Variants in CRISPLD2 observed in about 807,000 individuals in gnomAD.
CRISPLD2 encodes cysteine rich secretory protein LCCL domain containing 2.
Under a neutral mutation model 71.1 loss-of-function variants are expected in CRISPLD2, and 47 were observed. That is an observed-to-expected ratio of 0.66 (90% CI 0.52 to 0.84). The LOEUF (loss-of-function observed/expected upper bound fraction) is 0.84, where lower values mean the gene tolerates loss of function less well. Among genes scored for constraint, CRISPLD2 ranks in the 40% least tolerant of loss-of-function variants. The pLI, the probability that CRISPLD2 is intolerant of heterozygous loss-of-function variation, is 0.00. For synonymous variants in CRISPLD2, 317 were observed against 250.1 expected (o/e 1.27, Z -2.52); for missense variants, 830 against 651.1 (o/e 1.27, Z -2.99).
intron 14 of CRISPLD2, among the ~76,000 whole-genome samples, chr16:84,901,731 A>T (rs886108475): frequency 2.7e-5 from 4 of 147,060 alleles, no homozygotes; most frequent in Non-Finnish European, 5.9e-5. Flanking sequence ...ACCTGCCTCA[A>T]CCTCTCAAAA....
intron 6 of CRISPLD2, among the ~76,000 whole-genome samples, chr16:84,855,392 G>C (rs553396694): frequency 6.6e-6 from 1 of 152,326 alleles, no homozygotes; most frequent in South Asian, 2.1e-4. Context: ...TGAGTCTGGA[G>C]GTGGAACAAC....
In CRISPLD2 at chr16:84,827,446, A is replaced by T. The variant is rs574507038; in HGVS notation, c.-75+7313A>T. On this transcript the variant is annotated intron_variant, in intron 1 of 14. Transcript: ENST00000262424. ...CTGGCCCTGGCTGCCTCCTGACCCC[A>T]TTCCTCCCCAGCTTCATGGGCTTTT... 1.5e-4 allele frequency among the ~76,000 whole-genome samples: 23 copies of T among 150,660 alleles called. 1 individual carries two copies. In the South Asian group the frequency reaches 4.8e-3, roughly 32 times the overall value.
chr16:84,869,200 C>G (rs527340875), intron 8 of CRISPLD2, among the ~76,000 whole-genome samples: 1 of 152,304 alleles, frequency 6.6e-6, no homozygotes, highest in South Asian at 2.1e-4. Context: ...ATGAATAAAT[C>G]CATCTAGTTG....
rs1489038236 is a variant in CRISPLD2, at chr16:84,872,473, A to G, written c.946A>G (p.Lys316Glu). The G allele has an allele frequency of 5.0e-6, 8 of 1,613,878 alleles. No individual in the cohort carries two copies. In the South Asian group the frequency reaches 6.6e-5, roughly 13 times the overall value. The change falls in exon 9 of 15, where the codon AAG becomes GAG. Residue 316 changes from lysine (K) to glutamate (E), a missense_variant. Coordinates refer to ENST00000262424, the MANE Select transcript of CRISPLD2 (RefSeq NM_031476.4). ...GTGCCCAGCAGGCTGCCTGAACCAC[A>G]AGGCGAAGATCTTTGGAACTCTGTT... ...YQCPAGCLNH[K>E]AKIFGTLFYE...
rs557373865 is a variant in CRISPLD2 at position 84,854,976 on chromosome 16, C to A, written c.709+147C>A. ...GCTCTCAGCACATTCCTCCCGCCTCCGTGATGAGCTGAGCCTCATCTCCAG... is the reference window on the plus strand; with the variant it reads ...GCTCTCAGCACATTCCTCCCGCCTCAGTGATGAGCTGAGCCTCATCTCCAG... On this transcript the variant is annotated intron_variant, in intron 6 of 14. Transcript: ENST00000262424. 1.8e-5 allele frequency: 12 copies of A among 673,594 alleles called. No individual in the cohort carries two copies. The East Asian group carries it at 3.0e-4, about 17-fold the overall frequency. The allele number at this position is 673,594 out of a possible 1,614,324, so 41.7% of individuals were successfully genotyped here.
intron 13 of CRISPLD2, among the ~76,000 whole-genome samples, chr16:84,884,831 G>C (rs1454696849): frequency 6.6e-6 from 1 of 152,122 alleles, no homozygotes; most frequent in African/African-American, 2.4e-5. Context: ...TCAAAGCACC[G>C]CCTCTGGGGC....
intron 12 of CRISPLD2, 136 bp from the exon 13 acceptor site, chr16:84,880,373 T>C (rs977852822): frequency 9.5e-6 from 6 of 633,888 alleles, no homozygotes; most frequent in African/African-American, 1.8e-5. Flanking sequence ...TTGTTTTTTT[T>C]CTTAATGAGG....
chr16:84,842,831 C>T (rs1916812291), intron 2 of CRISPLD2, among the ~76,000 whole-genome samples: 1 of 152,200 alleles, frequency 6.6e-6, no homozygotes. Flanking sequence ...CCTTGGTCCT[C>T]ATGGGGCAGG....
At chr16:84,861,745 G>A (rs1164894588) in intron 6 of CRISPLD2, among the ~76,000 whole-genome samples, 4 of 152,150 alleles carry the variant, frequency 2.6e-5, no homozygotes, top group East Asian at 1.9e-4. Context: ...ACAACATAGC[G>A]AGAACCCATC....
Position 84,872,914 on chromosome 16 carries a change from A to C in CRISPLD2, c.982-78A>C, listed in dbSNP as rs1048785727. On this transcript the variant is annotated intron_variant, in intron 9 of 14. Transcript: ENST00000262424. ...TCAGGCTTTTAGTGAGTTGAGGACA[A>C]ATGTTTGGGTATTTCTGGTGAAACT... is the stretch of plus-strand genomic sequence containing the variant. 7 of 1,527,098 alleles carry C rather than the reference A, an allele frequency of 4.6e-6. No individual in the cohort carries two copies. In the African/African-American group the frequency reaches 9.8e-5, roughly 21 times the overall value. The allele number at this position is 1,527,098 out of a possible 1,614,324, so 94.6% of individuals were successfully genotyped here.
chr16:84,887,082 CTCT>C (rs1273312380), intron 13 of CRISPLD2, among the ~76,000 whole-genome samples: 6 of 152,290 alleles, frequency 3.9e-5, no homozygotes, highest in African/African-American at 1.4e-4. Flanking sequence ...ATGTCTTGCT[CTCT>C]TCTTGAAGGA....
At chr16:84,874,615 A>G (rs2071502559) in intron 11 of CRISPLD2, among the ~76,000 whole-genome samples, 1 of 152,224 alleles carries the variant, frequency 6.6e-6, no homozygotes, top group African/African-American at 2.4e-5. Context: ...CCGGCAGACC[A>G]TGCCTTTGTT....
intron 13 of CRISPLD2, among the ~76,000 whole-genome samples, chr16:84,883,053 G>C (rs975431377): frequency 1.3e-5 from 2 of 152,168 alleles, no homozygotes; most frequent in Non-Finnish European, 2.9e-5. Flanking sequence ...GGGCTTGACA[G>C]ACAATCATTG....
At chr16:84,829,340 G>C (rs372829916) in intron 1 of CRISPLD2, 1 of 152,232 alleles carries the variant, frequency 6.6e-6, no homozygotes. Context: ...CCCACTCACT[G>C]CGTGGTGCTT....
chr16:84,842,916 C>T (rs2143189232), intron 2 of CRISPLD2, among the ~76,000 whole-genome samples: 1 of 152,276 alleles, frequency 6.6e-6, no homozygotes, highest in East Asian at 1.9e-4. Context: ...CCCCAGGATC[C>T]CAGATGCTTC....
chr16:84,846,438 G>T (rs989759988), intron 3 of CRISPLD2, among the ~76,000 whole-genome samples: 2 of 152,048 alleles, frequency 1.3e-5, no homozygotes, highest in Non-Finnish European at 2.9e-5. Context: ...TTTTTTGGTA[G>T]AGACAGGGTT....
intron 14 of CRISPLD2, among the ~76,000 whole-genome samples, chr16:84,901,787 CTTTTTT>C (rs760025598): frequency 8.0e-5 from 7 of 87,842 alleles, no homozygotes; most frequent in African/African-American, 1.2e-4. Flanking sequence ...ACTGGTTGCA[CTTTTTT>C]TTTTTTTTTT....
At chr16:84,886,019 C>G (rs560116779) in intron 13 of CRISPLD2, among the ~76,000 whole-genome samples, 3 of 152,092 alleles carry the variant, frequency 2.0e-5, no homozygotes, top group East Asian at 3.9e-4. Flanking sequence ...CCAGATCTCG[C>G]TATGTTGCCC....
chr16:84,892,742 G>A (rs953025089), intron 14 of CRISPLD2, among the ~76,000 whole-genome samples: 4 of 151,988 alleles, frequency 2.6e-5, no homozygotes, highest in Non-Finnish European at 4.4e-5. Flanking sequence ...TTGGGAGGTC[G>A]AGACGGGCAG....
Sources: gnomAD v4.1 joint callset for allele counts (sites outside exome capture counted in the v4.1 genomes callset) on GRCh38, gnomAD v4.1.1 for gene constraint, MANE v1.5 for transcripts, NCBI Gene and HGNC (gene_info 2026-07-23, HGNC 2026-07-21) for gene names.